MET: variants seen among roughly 807,000 people sequenced by gnomAD.
MET encodes the protein MET proto-oncogene, receptor tyrosine kinase, also known as hepatocyte growth factor receptor.
A neutral mutation model predicts 133.1 loss-of-function variants in MET; 48 were observed. The ratio of observed to expected loss-of-function variants is 0.36; its 90% CI spans 0.29 to 0.46. MET has a LOEUF of 0.46. Ranked by LOEUF, MET falls within the 20% of genes least tolerant of loss-of-function variation. The probability of loss-of-function intolerance (pLI) is 1.00; values close to 1 mark genes in which losing one functional copy is unlikely to be tolerated. For missense variants in MET, 1,442 were observed against 1,695.9 expected (o/e 0.85, Z 2.63); for synonymous variants, 628 against 616.5 (o/e 1.02, Z -0.28).
At chr7:116,706,198 G>A (rs1232673465) in intron 2 of MET, among the ~76,000 whole-genome samples, 3 of 152,096 alleles carry the variant, frequency 2.0e-5, no homozygotes, top group Non-Finnish European at 2.9e-5. Flanking sequence ...CTTGTGTGGG[G>A]AATGAAGCGT....
intron 5 of MET, among the ~76,000 whole-genome samples, chr7:116,746,222 G>A (rs200334747): frequency 1.7e-3 from 256 of 152,216 alleles, no homozygotes; most frequent in South Asian, 1.0e-2. Context: ...AATCAAAACC[G>A]CAATGAGATA....
At chr7:116,775,205 A>G in intron 15 of MET, 94 bp downstream of exon 15, 1 of 1,114,032 alleles carries the variant, frequency 9.0e-7, no homozygotes, top group Non-Finnish European at 1.3e-6. Flanking sequence ...ACAATGGTGA[A>G]AGCAACTGAC....
At chr7:116,744,025 A>G (rs750318380) in intron 5 of MET, among the ~76,000 whole-genome samples, 6 of 152,214 alleles carry the variant, frequency 3.9e-5, no homozygotes, top group Non-Finnish European at 8.8e-5. Flanking sequence ...CAAAAACCCT[A>G]TTCAAAGGTC....
At chr7:116,768,422 T>A (rs898554650) in intron 11 of MET, among the ~76,000 whole-genome samples, 5 of 152,232 alleles carry the variant, frequency 3.3e-5, no homozygotes, top group Non-Finnish European at 7.3e-5. Context: ...TCTCTTAGAT[T>A]GCTGAGCTTC....
intron 2 of MET, among the ~76,000 whole-genome samples, chr7:116,711,627 G>T (rs1792000703): frequency 6.9e-6 from 1 of 145,834 alleles, no homozygotes; most frequent in Admixed American, 6.8e-5. Flanking sequence ...TTCCAGACAG[G>T]TTTTTTTTTT....
intron 5 of MET, among the ~76,000 whole-genome samples, chr7:116,742,903 A>T (rs1289962387): frequency 1.3e-5 from 2 of 152,244 alleles, no homozygotes; most frequent in Non-Finnish European, 2.9e-5. Flanking sequence ...GACAGTTAGC[A>T]TTCTTCCTGC....
chr7:116,725,676 A>G (rs1053825912), intron 2 of MET, among the ~76,000 whole-genome samples: 1 of 151,460 alleles, frequency 6.6e-6, no homozygotes, highest in African/African-American at 2.4e-5. Flanking sequence ...ACAGCATGTT[A>G]CTCTGCTGAA....
chr7:116,778,412 T>C (rs889992223), intron 16 of MET, among the ~76,000 whole-genome samples: 1 of 152,238 alleles, frequency 6.6e-6, no homozygotes, highest in Non-Finnish European at 1.5e-5. Context: ...CTTTTTAAAA[T>C]ATAAATCAAC....
At chr7:116,688,233 T>TC (rs1211919519) in intron 1 of MET, among the ~76,000 whole-genome samples, 1 of 152,056 alleles carries the variant, frequency 6.6e-6, no homozygotes, top group Non-Finnish European at 1.5e-5. Flanking sequence ...ATTGCCTCTT[T>TC]TTTTTTTTAA....
In MET at chr7:116,759,409, A is replaced by C. The variant is rs779694924; in HGVS notation, c.2283A>C (p.Thr761=). The C allele has an allele frequency of 6.2e-7, 1 of 1,613,612 alleles. No individual in the cohort carries two copies. The highest frequency in any genetic ancestry group is 1.3e-5 in the African/African-American group (1 of 74,922). Reference sequence around the variant, plus strand: ...TTGCCAGTGGTGGGAGCACAATAACAGGTGTTGGGAAAAACCTGAATTCAG... The same window carrying C: ...TTGCCAGTGGTGGGAGCACAATAACCGGTGTTGGGAAAAACCTGAATTCAG... The part of the protein sequence containing the change: ...KSFISGGSTI[T]GVGKNLNSVS... Residue 761 remains threonine, a synonymous_variant, in exon 10 of 21, where the codon ACA becomes ACC. Coordinates refer to ENST00000397752, the MANE Select transcript of MET (RefSeq NM_000245.4).
intron 19 of MET, among the ~76,000 whole-genome samples, chr7:116,795,028 A>G (rs961860641): frequency 3.3e-5 from 5 of 152,232 alleles, no homozygotes; most frequent in Non-Finnish European, 7.3e-5. Context: ...CTTCCTATAT[A>G]GTACTGATAC....
chr7:116,786,281 A>G (rs908786110), intron 19 of MET, among the ~76,000 whole-genome samples: 1 of 152,184 alleles, frequency 6.6e-6, no homozygotes, highest in Non-Finnish European at 1.5e-5. Context: ...TTACCTCTAA[A>G]TGGCCCCATC....
intron 1 of MET, among the ~76,000 whole-genome samples, chr7:116,678,545 C>T (rs1278699328): frequency 1.3e-5 from 2 of 151,874 alleles, no homozygotes; most frequent in Non-Finnish European, 2.9e-5. Flanking sequence ...AAGCTGAGAC[C>T]TTTGAAATAA....
intron 3 of MET, among the ~76,000 whole-genome samples, chr7:116,736,556 A>G (rs763047195): frequency 1.3e-5 from 2 of 152,216 alleles, no homozygotes; most frequent in Non-Finnish European, 2.9e-5. Flanking sequence ...TGGATATCTC[A>G]CACAAAGTTA....
intron 1 of MET, among the ~76,000 whole-genome samples, chr7:116,687,097 A>C (rs1466220589): frequency 6.6e-6 from 1 of 152,152 alleles, no homozygotes; most frequent in Admixed American, 6.5e-5. Context: ...TGGTTGGAAA[A>C]GTTGTTTGTT....
At chr7:116,727,879 A>G (rs1416840107) in intron 2 of MET, among the ~76,000 whole-genome samples, 6 of 152,242 alleles carry the variant, frequency 3.9e-5, no homozygotes, top group African/African-American at 9.6e-5. Flanking sequence ...AGATTTAGTC[A>G]TATTTGCACA....
At position 116,783,466 on chromosome 7, in the gene MET, T is replaced by C. The variant is rs2117067697; in HGVS notation, c.3795T>C (p.Asp1265=). 1 of 1,614,122 alleles carries C rather than the reference T, an allele frequency of 6.2e-7. No individual in the cohort carries two copies. Among genetic ancestry groups the C allele is most frequent in the Non-Finnish European group, 8.5e-7 (1 of 1,179,996 alleles). Residue 1265 remains aspartate, a synonymous_variant, in exon 19 of 21, where the codon GAT becomes GAC. Coordinates refer to ENST00000397752, the MANE Select transcript of MET (RefSeq NM_000245.4). ...CTCAAAAGTTTACCACCAAGTCAGATGTGGTAATGTATTGGTTATCTCTGA... is the reference window on the plus strand; with the variant it reads ...CTCAAAAGTTTACCACCAAGTCAGACGTGGTAATGTATTGGTTATCTCTGA... ...LQTQKFTTKS[D]VWSFGVLLWE...
chr7:116,755,625 G>T (rs1794149273), intron 6 of MET, 110 bp downstream of exon 6: 5 of 1,373,304 alleles, frequency 3.6e-6, no homozygotes, highest in Non-Finnish European at 5.1e-6. Flanking sequence ...AATTAAAAAG[G>T]GTCTTGGCCT....
chr7:116,675,722 T>A (rs925906618), intron 1 of MET, among the ~76,000 whole-genome samples: 39 of 152,166 alleles, frequency 2.6e-4, no homozygotes, highest in African/African-American at 8.9e-4. Flanking sequence ...CCTGGAGTTT[T>A]TGTCACCTTC....
Sources: allele counts gnomAD v4.1 joint callset (sites outside exome capture counted in the v4.1 genomes callset), GRCh38; gene constraint gnomAD v4.1.1; transcripts MANE v1.5; gene names NCBI Gene and HGNC (gene_info 2026-07-23, HGNC 2026-07-21).